Variants in SYT1 observed in about 807,000 individuals in gnomAD.
The protein encoded by SYT1 is synaptotagmin-1.
In SYT1, 8 loss-of-function variants were observed where a neutral mutation model predicts 44.8. That is an observed-to-expected ratio of 0.18 (90% confidence interval 0.10 to 0.32). The LOEUF is 0.32. Ranked by LOEUF, SYT1 falls within the 10% of genes least tolerant of loss-of-function variation. SYT1 has a pLI of 1.00. For missense variants in SYT1, 286 were observed against 509.3 expected (o/e 0.56, Z 4.22); for synonymous variants, 154 against 188.8 (o/e 0.82, Z 1.51).
intron 3 of SYT1, among the ~76,000 whole-genome samples, chr12:79,184,336 G>A (rs1481149166): frequency 1.3e-5 from 2 of 151,980 alleles, no homozygotes; most frequent in South Asian, 2.1e-4. Flanking sequence ...GGCAACAGTT[G>A]AGCTCCAAAT....
At chr12:79,354,589 CCT>C (rs1883038963) in intron 9 of SYT1, among the ~76,000 whole-genome samples, 1 of 152,152 alleles carries the variant, frequency 6.6e-6, no homozygotes, top group Non-Finnish European at 1.5e-5. Flanking sequence ...TCTCCTGGTA[CCT>C]GAGTGTATTT....
At chr12:79,227,113 G>A (rs1875567857) in intron 4 of SYT1, among the ~76,000 whole-genome samples, 2 of 152,072 alleles carry the variant, frequency 1.3e-5, no homozygotes, top group Non-Finnish European at 1.5e-5. Context: ...GTGTCACAAT[G>A]GCAAGGAGTG....
chr12:79,120,383 C>A (rs1879530085), intron 3 of SYT1, among the ~76,000 whole-genome samples: 1 of 152,046 alleles, frequency 6.6e-6, no homozygotes, highest in Admixed American at 6.6e-5. Flanking sequence ...TGTAACAAAT[C>A]TGCACCCGTA....
At chr12:79,223,544 A>G (rs1352051963) in intron 4 of SYT1, among the ~76,000 whole-genome samples, 1 of 152,220 alleles carries the variant, frequency 6.6e-6, no homozygotes, top group African/African-American at 2.4e-5. Flanking sequence ...TGGCACTTCC[A>G]GAATCTCAGG....
At chr12:79,429,550 C>A (rs1565954187) in intron 9 of SYT1, among the ~76,000 whole-genome samples, 2 of 151,572 alleles carry the variant, frequency 1.3e-5, no homozygotes, top group African/African-American at 2.4e-5. Flanking sequence ...GTTTTTTGAG[C>A]TGGAGTCTCA....
In SYT1 at chr12:79,031,886, G is replaced by A. The variant is rs79359134; in HGVS notation, c.-83-15411G>A. Among the ~76,000 whole-genome samples the A allele has an allele frequency of 9.7e-3, 1,469 of 151,226 alleles. 30 individuals carry two copies. The highest frequency in any genetic ancestry group is 0.034 in the African/African-American group (1,393 of 41,412). ...CTTTCTATTAATGGTCACAAATCAT[G>A]TTTAATGATGCAAGCTGGCATGTAA... On this transcript the variant is annotated intron_variant, in intron 2 of 10. Transcript: ENST00000261205.
intron 4 of SYT1, among the ~76,000 whole-genome samples, chr12:79,280,132 G>GA (rs534564430): frequency 1.6e-4 from 24 of 148,774 alleles, no homozygotes; most frequent in South Asian, 2.1e-4. Flanking sequence ...CACAGAATTA[G>GA]AAAAAAAAAC....
At chr12:78,895,655 A>T (rs1875318611) in intron 1 of SYT1, among the ~76,000 whole-genome samples, 1 of 151,932 alleles carries the variant, frequency 6.6e-6, no homozygotes, top group South Asian at 2.1e-4. Flanking sequence ...GGGCACAAAA[A>T]TGAATGATTG....
At chr12:78,881,739 TGAG>T (rs1386723407) in intron 1 of SYT1, among the ~76,000 whole-genome samples, 2 of 149,310 alleles carry the variant, frequency 1.3e-5, no homozygotes, top group Non-Finnish European at 3.0e-5. Context: ...GGAGAGGAGA[TGAG>T]GAGAGGACAG....
In SYT1 at chr12:79,114,529, C is replaced by A. The variant is rs570229303; in HGVS notation, c.-18+67167C>A. Among the ~76,000 whole-genome samples the A allele has an allele frequency of 4.0e-5, 6 of 150,554 alleles. No individual in the cohort carries two copies. The South Asian group carries it at 1.3e-3, about 31-fold the overall frequency. On this transcript the variant is annotated intron_variant, in intron 3 of 10. Transcript: ENST00000261205. ...TTAAGCCCAGAGTTGCAAAGGGTGA[C>A]CCACCTACATCATAACTCCTACAGT...
At chr12:78,905,182 T>C (rs1287648315) in intron 1 of SYT1, among the ~76,000 whole-genome samples, 5 of 152,202 alleles carry the variant, frequency 3.3e-5, no homozygotes, top group African/African-American at 1.2e-4. Context: ...GTTTATCATC[T>C]TTCTTTAGTA....
At chr12:79,253,666 A>G (rs1416475779) in intron 4 of SYT1, among the ~76,000 whole-genome samples, 1 of 152,188 alleles carries the variant, frequency 6.6e-6, no homozygotes, top group African/African-American at 2.4e-5. Flanking sequence ...AGGAATGATT[A>G]GGCTTAGTGA....
intron 4 of SYT1, among the ~76,000 whole-genome samples, chr12:79,270,015 A>G (rs890047034): frequency 6.6e-6 from 1 of 152,202 alleles, no homozygotes; most frequent in Non-Finnish European, 1.5e-5. Context: ...ATTAATGCAC[A>G]TATTTCCAGA....
chr12:79,161,747 C>T (rs1870962470), intron 3 of SYT1, among the ~76,000 whole-genome samples: 1 of 152,124 alleles, frequency 6.6e-6, no homozygotes, highest in Non-Finnish European at 1.5e-5. Flanking sequence ...GCCTGAGGCT[C>T]TTTCTTGGAA....
intron 9 of SYT1, among the ~76,000 whole-genome samples, chr12:79,397,358 T>C (rs1257286779): frequency 1.3e-5 from 2 of 152,172 alleles, no homozygotes; most frequent in African/African-American, 4.8e-5. Context: ...GCCTTCCGAA[T>C]AGCTGGGATT....
intron 1 of SYT1, among the ~76,000 whole-genome samples, chr12:78,968,404 T>C (rs1194724651): frequency 6.6e-6 from 1 of 152,080 alleles, no homozygotes; most frequent in African/African-American, 2.4e-5. Flanking sequence ...AAAGGAAACT[T>C]TGGAATCTCT....
Position 79,429,451 on chromosome 12 carries a change from C to T in SYT1, c.929-14622C>T, listed in dbSNP as rs187497790. Among the ~76,000 whole-genome samples, 674 of 152,006 alleles carry T rather than the reference C, an allele frequency of 4.4e-3. 3 individuals are homozygous for T. Among genetic ancestry groups the T allele is most frequent in the Middle Eastern group, 0.014 (4 of 294 alleles). On this transcript the variant is annotated intron_variant, in intron 9 of 10. Transcript: ENST00000261205. ...CTTGAACTTCTGGCCTCAAGTGATA[C>T]GCCCGTCTCGGCCTCCCAAACTGTG...
intron 2 of SYT1, among the ~76,000 whole-genome samples, chr12:78,980,067 A>T (rs1287006303): frequency 6.6e-6 from 1 of 152,146 alleles, no homozygotes; most frequent in Non-Finnish European, 1.5e-5. Flanking sequence ...TTCATAAATG[A>T]ATATTTCCAT....
chr12:79,441,876 T>C (rs956397223), intron 9 of SYT1, among the ~76,000 whole-genome samples: 6 of 152,230 alleles, frequency 3.9e-5, no homozygotes, highest in Admixed American at 1.3e-4. Context: ...TTCTTTCTTG[T>C]CTTTCAGTTC....
Sources: gnomAD v4.1 joint callset for allele counts (sites outside exome capture counted in the v4.1 genomes callset) on GRCh38, gnomAD v4.1.1 for gene constraint, MANE v1.5 for transcripts, NCBI Gene and HGNC (gene_info 2026-07-23, HGNC 2026-07-21) for gene names.